Variants in GTF2IRD1 observed in about 807,000 individuals in gnomAD.
The protein encoded by GTF2IRD1 is GTF2I repeat domain containing 1.
Under a neutral mutation model 113.2 loss-of-function variants are expected in GTF2IRD1, and 26 were observed. The observed-to-expected ratio is 0.23, with a 90% confidence interval of 0.17 to 0.32. The LOEUF is 0.32. GTF2IRD1 is among the 10% of genes least tolerant of loss of function. The probability of loss-of-function intolerance (pLI) is 1.00; values close to 1 mark genes in which losing one functional copy is unlikely to be tolerated. For missense variants in GTF2IRD1, 864 were observed against 1,280.8 expected (o/e 0.67, Z 4.97); for synonymous variants, 484 against 529.1 (o/e 0.91, Z 1.17).
At chr7:74,552,758 G>A (rs1445255070) in intron 17 of GTF2IRD1, among the ~76,000 whole-genome samples, 1 of 152,106 alleles carries the variant, frequency 6.6e-6, no homozygotes, top group Non-Finnish European at 1.5e-5. Flanking sequence ...ATTTTTTATG[G>A]CTTTGTGCAG....
intron 23 of GTF2IRD1, among the ~76,000 whole-genome samples, chr7:74,590,450 G>A (rs191527345): frequency 6.9e-5 from 10 of 145,678 alleles, no homozygotes; most frequent in African/African-American, 2.0e-4. Flanking sequence ...GTGCAGTGGC[G>A]GGATCTCCAC....
intron 17 of GTF2IRD1, among the ~76,000 whole-genome samples, chr7:74,548,408 C>T (rs1465874778): frequency 4.0e-5 from 6 of 148,476 alleles, no homozygotes; most frequent in African/African-American, 1.0e-4. Flanking sequence ...GGCAACAGAG[C>T]GAGACTTCGT....
intron 22 of GTF2IRD1, among the ~76,000 whole-genome samples, chr7:74,578,704 T>G (rs1353518414): frequency 8.5e-5 from 13 of 152,126 alleles, no homozygotes; most frequent in South Asian, 2.1e-4. Flanking sequence ...AGAATGCAAT[T>G]AACACTTATA....
intron 1 of GTF2IRD1, among the ~76,000 whole-genome samples, chr7:74,466,491 C>A (rs1183910429): frequency 6.6e-6 from 1 of 152,170 alleles, no homozygotes; most frequent in Non-Finnish European, 1.5e-5. Flanking sequence ...CTCTCTGTGC[C>A]AGCCACGATG....
chr7:74,500,755 GCT>G (rs2129847334), intron 1 of GTF2IRD1, among the ~76,000 whole-genome samples: 1 of 152,190 alleles, frequency 6.6e-6, no homozygotes, highest in South Asian at 2.1e-4. Context: ...GCAGGGTCTT[GCT>G]CTGTCGCCCA....
At chr7:74,595,933 G>A (rs1465794698) in intron 25 of GTF2IRD1, 2 of 152,234 alleles carry the variant, frequency 1.3e-5, no homozygotes, top group South Asian at 2.1e-4. Flanking sequence ...CTTTCACTAG[G>A]CACCTGGGGG....
intron 14 of GTF2IRD1, among the ~76,000 whole-genome samples, 189 bp downstream of exon 14, chr7:74,540,157 T>C (rs1169362952): frequency 1.3e-5 from 2 of 152,128 alleles, no homozygotes; most frequent in Non-Finnish European, 2.9e-5. Context: ...CTCTATTTAT[T>C]TATTTAGAGA....
chr7:74,583,288 A>G (rs1554366676), intron 22 of GTF2IRD1, among the ~76,000 whole-genome samples: 1 of 151,980 alleles, frequency 6.6e-6, no homozygotes, highest in African/African-American at 2.4e-5. Context: ...TTCCAGGCTC[A>G]AGCAATCCTC....
chr7:74,557,087 A>G (rs1799644495), intron 19 of GTF2IRD1, among the ~76,000 whole-genome samples: 1 of 152,154 alleles, frequency 6.6e-6, no homozygotes, highest in South Asian at 2.1e-4. Context: ...CCAAAAACAC[A>G]AAAAAGAAAT....
chr7:74,454,474 C>CG (rs1792828292), intron 1 of GTF2IRD1, among the ~76,000 whole-genome samples: 1 of 152,032 alleles, frequency 6.6e-6, no homozygotes, highest in African/African-American at 2.4e-5. Context: ...GGGGGCGTCC[C>CG]GGGCCGGCGC....
intron 2 of GTF2IRD1, among the ~76,000 whole-genome samples, chr7:74,511,898 T>C (rs550060707): frequency 1.2e-3 from 182 of 152,298 alleles, no homozygotes; most frequent in African/African-American, 4.3e-3. Context: ...CTCTGGGCTA[T>C]GGGGCTGCAG....
At chr7:74,546,722 CG>C (rs1338986793) in intron 16 of GTF2IRD1, among the ~76,000 whole-genome samples, 2 of 151,488 alleles carry the variant, frequency 1.3e-5, no homozygotes, top group Non-Finnish European at 2.9e-5. Flanking sequence ...GAGGGACACT[CG>C]GGGGGCCTTA....
intron 22 of GTF2IRD1, among the ~76,000 whole-genome samples, chr7:74,565,887 G>A (rs1554360546): frequency 6.6e-6 from 1 of 152,036 alleles, no homozygotes; most frequent in Non-Finnish European, 1.5e-5. Context: ...AGGAGGCTGA[G>A]GCAGGAGGGT....
At chr7:74,551,720 G>A (rs1406318554) in intron 17 of GTF2IRD1, among the ~76,000 whole-genome samples, 1 of 151,576 alleles carries the variant, frequency 6.6e-6, no homozygotes, top group Non-Finnish European at 1.5e-5. Flanking sequence ...GGCAGATCAC[G>A]AGGTCAAGAG....
At chr7:74,538,011 G>C in intron 11 of GTF2IRD1, 125 bp from the exon 12 acceptor site, 1 of 817,420 alleles carries the variant, frequency 1.2e-6, no homozygotes, top group East Asian at 2.5e-5. Context: ...GCCAGGGGCC[G>C]ATGGGGACAG....
chr7:74,493,839 C>T (rs1795499675), intron 1 of GTF2IRD1, among the ~76,000 whole-genome samples: 1 of 152,068 alleles, frequency 6.6e-6, no homozygotes, highest in Non-Finnish European at 1.5e-5. Context: ...CCATCTCAGC[C>T]TCCCAAGCAG....
At chr7:74,556,790 A>ATTTTTTTTTTTTTTTTTTTTTT (rs587648610) in intron 19 of GTF2IRD1, among the ~76,000 whole-genome samples, 6 of 133,016 alleles carry the variant, frequency 4.5e-5, no homozygotes, top group Admixed American at 7.8e-5. Flanking sequence ...TGCCTGGCTA[A>ATTTTTTTTTTTTTTTTTTTTTT]TTTTTGTATT....
intron 22 of GTF2IRD1, among the ~76,000 whole-genome samples, chr7:74,566,035 A>ACC (rs1800291449): frequency 6.6e-6 from 1 of 150,942 alleles, no homozygotes; most frequent in African/African-American, 2.4e-5. Flanking sequence ...ACACACACAC[A>ACC]CACCCTAAAG....
At position 74,484,551 on chromosome 7, in the gene GTF2IRD1, C is replaced by T. The variant is rs574611128; in HGVS notation, c.-6-23524C>T. On this transcript the variant is annotated intron_variant, in intron 1 of 26. Coordinates refer to ENST00000424337, the MANE Select transcript of GTF2IRD1 (RefSeq NM_005685.4). ...TTGGCTTACTGCAACCTCCACCCTC[C>T]GGGTTCAAGCAATTCTCCTGCCTCA... Among the ~76,000 whole-genome samples the T allele has an allele frequency of 2.6e-5, 4 of 151,902 alleles. No individual in the cohort carries two copies. The South Asian group carries it at 6.2e-4, about 24-fold the overall frequency.
Sources: gnomAD v4.1 joint callset for allele counts (sites outside exome capture counted in the v4.1 genomes callset) on GRCh38, gnomAD v4.1.1 for gene constraint, MANE v1.5 for transcripts, NCBI Gene and HGNC (gene_info 2026-07-23, HGNC 2026-07-21) for gene names.